Variants in RBFOX1 observed in about 807,000 individuals in gnomAD.
The protein encoded by RBFOX1 is RNA binding fox-1 homolog 1.
Under a neutral mutation model 57.7 loss-of-function variants are expected in RBFOX1, and 8 were observed. That is an observed-to-expected ratio of 0.14 (90% CI 0.08 to 0.25). The LOEUF (loss-of-function observed/expected upper bound fraction) is 0.25. Ranked by LOEUF, RBFOX1 falls within the 10% of genes least tolerant of loss-of-function variation. The pLI, the probability that RBFOX1 is intolerant of heterozygous loss-of-function variation, is 1.00. For synonymous variants in RBFOX1, 326 were observed against 222.4 expected (o/e 1.47, Z -4.15); for missense variants, 611 against 548.5 (o/e 1.11, Z -1.14).
intron 2 of RBFOX1, among the ~76,000 whole-genome samples, chr16:5,565,495 C>A (rs1250409008): frequency 6.6e-6 from 1 of 151,950 alleles, no homozygotes; most frequent in Non-Finnish European, 1.5e-5. Flanking sequence ...CATGGTGGCA[C>A]CTGCGTATAA....
chr16:5,612,094 C>G (rs1670410070), intron 3 of RBFOX1, among the ~76,000 whole-genome samples: 1 of 146,362 alleles, frequency 6.8e-6, no homozygotes, highest in African/African-American at 2.5e-5. Context: ...TCCCATCCAT[C>G]CCATTCATTC....
At chr16:7,012,221 C>G (rs146922676) in intron 3 of RBFOX1, among the ~76,000 whole-genome samples, 1 of 152,110 alleles carries the variant, frequency 6.6e-6, no homozygotes, top group African/African-American at 2.4e-5. Context: ...GTTCAACTTG[C>G]TTAACTCATA....
At chr16:7,688,617 AG>A (rs2076641657) in intron 14 of RBFOX1, among the ~76,000 whole-genome samples, 1 of 152,010 alleles carries the variant, frequency 6.6e-6, no homozygotes, top group African/African-American at 2.4e-5. Context: ...ATTTAACCTA[AG>A]GAACAAAAGT....
intron 3 of RBFOX1, among the ~76,000 whole-genome samples, chr16:5,636,327 G>T (rs536425921): frequency 6.6e-6 from 1 of 152,116 alleles, no homozygotes; most frequent in East Asian, 1.9e-4. Flanking sequence ...TAGCCTGGGC[G>T]ACAAGAGTGA....
intron 3 of RBFOX1, among the ~76,000 whole-genome samples, chr16:7,001,387 T>C (rs2092776395): frequency 7.5e-6 from 1 of 133,076 alleles, no homozygotes; most frequent in South Asian, 2.3e-4. Flanking sequence ...TATGTGTATG[T>C]GTATGTGTAT....
At chr16:6,729,943 A>G (rs1410451366) in intron 3 of RBFOX1, among the ~76,000 whole-genome samples, 4 of 152,268 alleles carry the variant, frequency 2.6e-5, no homozygotes, top group African/African-American at 9.6e-5. Flanking sequence ...AGAAGAGATA[A>G]TGGCTGATCA....
At chr16:7,421,390 C>A (rs1021004449) in intron 4 of RBFOX1, among the ~76,000 whole-genome samples, 5 of 152,146 alleles carry the variant, frequency 3.3e-5, no homozygotes, top group African/African-American at 7.2e-5. Flanking sequence ...GGACACTTTT[C>A]CATCTAGGAC....
At chr16:7,416,223 C>G (rs572903608) in intron 4 of RBFOX1, among the ~76,000 whole-genome samples, 33 of 152,224 alleles carry the variant, frequency 2.2e-4, no homozygotes, top group African/African-American at 7.9e-4. Context: ...ATCTCTGTGC[C>G]AAGGAAACAG....
intron 2 of RBFOX1, among the ~76,000 whole-genome samples, chr16:6,399,937 C>T (rs12917670): frequency 2.4e-3 from 366 of 152,178 alleles, no homozygotes; most frequent in Non-Finnish European, 4.1e-3. Flanking sequence ...GAGAACTCAC[C>T]CACTATCACG....
chr16:5,699,920 G>T (rs1434367813), intron 3 of RBFOX1, among the ~76,000 whole-genome samples: 1 of 152,110 alleles, frequency 6.6e-6, no homozygotes, highest in Non-Finnish European at 1.5e-5. Context: ...TGCAAGTTCT[G>T]CCTCCCGGGT....
chr16:7,116,843 C>T (rs1321981261), intron 4 of RBFOX1, among the ~76,000 whole-genome samples: 1 of 152,132 alleles, frequency 6.6e-6, no homozygotes, highest in African/African-American at 2.4e-5. Flanking sequence ...ACCATCCCCT[C>T]AAGGGTTTTG....
At chr16:7,160,483 T>C (rs920582660) in intron 4 of RBFOX1, among the ~76,000 whole-genome samples, 14 of 152,338 alleles carry the variant, frequency 9.2e-5, no homozygotes, top group African/African-American at 3.4e-4. Flanking sequence ...CAGCATGAAC[T>C]ACATTTTATA....
intron 2 of RBFOX1, among the ~76,000 whole-genome samples, chr16:6,584,298 A>G (rs2097575705): frequency 6.6e-6 from 1 of 151,016 alleles, no homozygotes; most frequent in East Asian, 1.9e-4. Flanking sequence ...TGAGTTAGGA[A>G]CTAGAAGAGC....
At chr16:6,451,659 C>A (rs1206706528) in intron 2 of RBFOX1, among the ~76,000 whole-genome samples, 2 of 152,210 alleles carry the variant, frequency 1.3e-5, no homozygotes, top group Non-Finnish European at 2.9e-5. Flanking sequence ...CTATCACCAG[C>A]CTTAGAAGCC....
intron 12 of RBFOX1, among the ~76,000 whole-genome samples, chr16:7,658,554 G>C (rs1221389531): frequency 6.6e-6 from 1 of 152,110 alleles, no homozygotes; most frequent in East Asian, 1.9e-4. Flanking sequence ...GATTATCTGT[G>C]CATCAAGACA....
At chr16:6,208,578 A>T (rs2097270784) in intron 1 of RBFOX1, among the ~76,000 whole-genome samples, 1 of 152,172 alleles carries the variant, frequency 6.6e-6, no homozygotes, top group Non-Finnish European at 1.5e-5. Context: ...AAAGTGCCTG[A>T]TGTAGATCAA....
chr16:7,050,958 T>G (rs12934664), intron 3 of RBFOX1, among the ~76,000 whole-genome samples: 80,791 of 151,884 alleles, frequency 0.53, 23,533 homozygotes, highest in South Asian at 0.76. Flanking sequence ...CTTAAGTAAA[T>G]ATTCTTCCTT....
intron 3 of RBFOX1, among the ~76,000 whole-genome samples, chr16:6,742,756 A>G (rs1387729249): frequency 2.6e-5 from 4 of 152,184 alleles, no homozygotes; most frequent in Non-Finnish European, 5.9e-5. Context: ...AGACTATACA[A>G]TGTCATTTAT....
intron 3 of RBFOX1, among the ~76,000 whole-genome samples, chr16:5,827,644 AG>A (rs1312726311): frequency 6.6e-6 from 1 of 152,198 alleles, no homozygotes; most frequent in African/African-American, 2.4e-5. Context: ...GGGTGTGCAA[AG>A]AAATGGCTGC....
Sources: gnomAD v4.1 joint callset for allele counts (sites outside exome capture counted in the v4.1 genomes callset) on GRCh38, gnomAD v4.1.1 for gene constraint, MANE v1.5 for transcripts, NCBI Gene and HGNC (gene_info 2026-07-23, HGNC 2026-07-21) for gene names.